NUDT7: variants seen among roughly 807,000 people sequenced by gnomAD.
NUDT7 encodes peroxisomal coenzyme A diphosphatase NUDT7.
In NUDT7, 19 loss-of-function variants were observed where a neutral mutation model predicts 13.1. The observed-to-expected ratio is 1.45, with a 90% confidence interval of 1.01 to 2.13. The LOEUF is 2.13. NUDT7 is among the 30% of genes most tolerant of loss of function. The pLI is 0.00. For synonymous variants in NUDT7, 132 were observed against 109.7 expected, an observed-to-expected ratio of 1.20 and a Z score of -1.27; for missense variants, 360 against 291.7, an observed-to-expected ratio of 1.23 and a Z score of -1.71.
chr16:77,730,543 G>T (rs1277111807), intron 2 of NUDT7, among the ~76,000 whole-genome samples: 2 of 151,804 alleles, frequency 1.3e-5, no homozygotes, highest in Admixed American at 6.6e-5. Flanking sequence ...CCATGTCTTG[G>T]CCATTGTGAA....
At position 77,742,080 on chromosome 16, in the gene NUDT7, C is replaced by T; in HGVS notation, c.*130C>T. 1.4e-6 allele frequency: 2 copies of T among 1,435,268 alleles called. No homozygotes were observed. Among genetic ancestry groups the T allele is most frequent in the Non-Finnish European group, 1.8e-6 (2 of 1,101,884 alleles). 88.9% of individuals were successfully genotyped at this position (1,435,268 alleles called of 1,614,324 possible). ...TTTTCTGCAGTATGTAGTTAGAATCCTTGCCTCTTTTCCAGTTGCCTTCTA... is the reference window on the plus strand; with the variant it reads ...TTTTCTGCAGTATGTAGTTAGAATCTTTGCCTCTTTTCCAGTTGCCTTCTA... On this transcript the variant is annotated 3_prime_UTR_variant, in exon 4 of 4. Coordinates refer to ENST00000268533, the MANE Select transcript of NUDT7 (RefSeq NM_001105663.3).
intron 2 of NUDT7, among the ~76,000 whole-genome samples, chr16:77,726,281 G>A (rs1363725879): frequency 6.6e-6 from 1 of 152,188 alleles, no homozygotes; most frequent in Non-Finnish European, 1.5e-5. Context: ...TCATACAGCT[G>A]CTATGAACAT....
intron 1 of NUDT7, 23 bp from the exon 2 acceptor site, chr16:77,725,408 T>A: frequency 6.3e-7 from 1 of 1,598,066 alleles, no homozygotes; most frequent in Non-Finnish European, 8.5e-7. Context: ...CTAAAATGTC[T>A]GTCTGGTTTG....
chr16:77,724,210 C>T (rs529527857), intron 1 of NUDT7, among the ~76,000 whole-genome samples: 1 of 152,202 alleles, frequency 6.6e-6, no homozygotes, highest in East Asian at 1.9e-4. Context: ...CCTCTGCCGC[C>T]ATCTTCACAT....
chr16:77,725,972 C>G (rs1252550184), intron 2 of NUDT7, among the ~76,000 whole-genome samples: 1 of 152,168 alleles, frequency 6.6e-6, no homozygotes, highest in Admixed American at 6.5e-5. Flanking sequence ...ACCTTTGTCC[C>G]TTTGTCCAGT....
chr16:77,722,701 G>A, intron 1 of NUDT7, 84 bp downstream of exon 1: 3 of 1,387,750 alleles, frequency 2.2e-6, no homozygotes, highest in Admixed American at 2.0e-5. Context: ...CCTTTTGGCC[G>A]GGACTGATTT....
intron 2 of NUDT7, chr16:77,735,510 G>A (rs1310785218): frequency 1.7e-6 from 1 of 577,780 alleles, no homozygotes; most frequent in South Asian, 2.5e-5. Context: ...GCGAGACTGT[G>A]AGCCAACCAA....
intron 3 of NUDT7, among the ~76,000 whole-genome samples, chr16:77,741,094 A>G (rs146204240): frequency 7.2e-4 from 109 of 152,298 alleles, no homozygotes; most frequent in African/African-American, 2.5e-3. Flanking sequence ...AAAGATGTCT[A>G]TCCCATTGTT....
Position 77,735,643 on chromosome 16 carries a change from T to G in NUDT7, c.190-185T>G, listed in dbSNP as rs2014455909. On this transcript the variant is annotated intron_variant, in intron 2 of 3. Coordinates refer to ENST00000268533, the MANE Select transcript of NUDT7 (RefSeq NM_001105663.3). The stretch of plus-strand genomic sequence containing the variant: ...AATAAAAGTTAGCAGTGAGAAAAAT[T>G]TTCAAGGTTCATTTCTTAAAAAGGA... The G allele has an allele frequency of 6.3e-6, 4 of 639,896 alleles. No individual in the cohort carries two copies. In the South Asian group the frequency reaches 8.2e-5, roughly 13 times the overall value. The allele number at this position is 639,896 out of a possible 1,614,324, so 39.6% of individuals were successfully genotyped here. A position where few individuals can be genotyped will look rare whatever the true frequency, so the allele number is the denominator to read the frequency against.
At chr16:77,730,255 C>A (rs764800162) in intron 2 of NUDT7, among the ~76,000 whole-genome samples, 43 of 152,072 alleles carry the variant, frequency 2.8e-4, no homozygotes, top group Non-Finnish European at 4.9e-4. Context: ...AACTTTTTAT[C>A]TTTTGACCAA....
intron 2 of NUDT7, among the ~76,000 whole-genome samples, chr16:77,732,279 G>C (rs141583851): frequency 4.4e-4 from 66 of 150,990 alleles, no homozygotes; most frequent in African/African-American, 1.5e-3. Flanking sequence ...AGTGAGCTGA[G>C]ATCCCATCAC....
intron 3 of NUDT7, among the ~76,000 whole-genome samples, chr16:77,739,661 C>G (rs868244408): frequency 1.3e-5 from 2 of 152,110 alleles, no homozygotes; most frequent in Non-Finnish European, 2.9e-5. Context: ...TAGCTCCAAG[C>G]CTTATCTTAC....
At chr16:77,729,024 T>G (rs1287052611) in intron 2 of NUDT7, among the ~76,000 whole-genome samples, 1 of 152,126 alleles carries the variant, frequency 6.6e-6, no homozygotes, top group Non-Finnish European at 1.5e-5. Context: ...AAGCAAAGAT[T>G]GAAGTCTTAG....
intron 3 of NUDT7, among the ~76,000 whole-genome samples, chr16:77,740,630 C>G (rs1223542420): frequency 6.6e-6 from 1 of 152,080 alleles, no homozygotes; most frequent in Non-Finnish European, 1.5e-5. Flanking sequence ...TGCAATCTAT[C>G]TCCGCCTCCC....
intron 3 of NUDT7, chr16:77,736,204 G>C (rs76011518): frequency 2.0e-6 from 1 of 488,224 alleles, no homozygotes; most frequent in Admixed American, 3.2e-5. Flanking sequence ...GAAATAAAAG[G>C]GTTGAACTCC....
Position 77,742,118 on chromosome 16 carries a change from G to GTAAA in NUDT7, c.*169_*172dup. 1 of 1,356,180 alleles carries GTAAA rather than the reference G, an allele frequency of 7.4e-7. No homozygotes were observed. The highest frequency in any genetic ancestry group is 9.5e-7 in the Non-Finnish European group (1 of 1,057,078). The allele number at this position is 1,356,180 out of a possible 1,614,324, so 84.0% of individuals were successfully genotyped here. A position where few individuals can be genotyped will look rare whatever the true frequency, so the allele number is the denominator to read the frequency against. Reference sequence around the variant, plus strand: ...CAGTTGCCTTCTATTGTCTGAAAAAGTAAAAGCCATTCAAAAATGAAAACT... The same window carrying GTAAA: ...CAGTTGCCTTCTATTGTCTGAAAAAGTAAATAAAAGCCATTCAAAAATGAAAACT... On this transcript the variant is annotated 3_prime_UTR_variant, in exon 4 of 4. Transcript: ENST00000268533.
In NUDT7 at chr16:77,722,552, G is replaced by C. The variant is rs1305047003; in HGVS notation, c.-31G>C. The C allele has an allele frequency of 6.4e-7, 1 of 1,570,476 alleles. No individual in the cohort carries two copies. Among genetic ancestry groups the C allele is most frequent in the South Asian group, 1.2e-5 (1 of 85,808 alleles). ...GCGACCGACCGAGCAGCTCCGAGGA[G>C]TCCGCCCGGAAACAAACATTCCCCA... On this transcript the variant is annotated 5_prime_UTR_variant, in exon 1 of 4. Transcript: ENST00000268533.
At chr16:77,739,914 T>C (rs1212482571) in intron 3 of NUDT7, among the ~76,000 whole-genome samples, 1 of 152,150 alleles carries the variant, frequency 6.6e-6, no homozygotes, top group East Asian at 1.9e-4. Flanking sequence ...CATATTAATT[T>C]ACCCTCCAGA....
At chr16:77,723,984 G>A (rs308935) in intron 1 of NUDT7, among the ~76,000 whole-genome samples, 134,739 of 152,122 alleles carry the variant, frequency 0.89, 59,926 homozygotes, top group South Asian at 0.94. Context: ...AGTAAAATCA[G>A]CTGTTCCTTT....
Sources: allele counts gnomAD v4.1 joint callset (sites outside exome capture counted in the v4.1 genomes callset), GRCh38; gene constraint gnomAD v4.1.1; transcripts MANE v1.5; gene names NCBI Gene and HGNC (gene_info 2026-07-23, HGNC 2026-07-21).